The following LEKR1 variants were observed in gnomAD, a reference collection of about 807,000 sequenced individuals.
The protein encoded by LEKR1 is protein LEKR1.
LEKR1 carries 59 observed loss-of-function variants against 72.4 expected under a neutral mutation model. That is an observed-to-expected ratio of 0.82 (90% CI 0.66 to 1.01). The LOEUF (loss-of-function observed/expected upper bound fraction) is 1.01, where lower values mean the gene tolerates loss of function less well. LEKR1 is among the 50% of genes least tolerant of loss of function. The probability of loss-of-function intolerance (pLI) is 0.00; values close to 1 mark genes in which losing one functional copy is unlikely to be tolerated. For synonymous variants in LEKR1, 257 were observed against 263.2 expected (o/e 0.98, Z 0.23); for missense variants, 728 against 759.2 (o/e 0.96, Z 0.48).
intron 6 of LEKR1, among the ~76,000 whole-genome samples, chr3:156,958,089 T>G (rs565892215): frequency 4.6e-5 from 7 of 152,164 alleles, no homozygotes; most frequent in Non-Finnish European, 1.0e-4. Context: ...TTATTAGCCC[T>G]ATTCTCAACT....
chr3:156,849,003 A>G (rs995506186), intron 2 of LEKR1, among the ~76,000 whole-genome samples: 9 of 152,160 alleles, frequency 5.9e-5, no homozygotes, highest in African/African-American at 2.2e-4. Context: ...TATATCTAGA[A>G]AACCCCATTG....
intron 2 of LEKR1, among the ~76,000 whole-genome samples, chr3:156,832,684 G>A (rs182245778): frequency 2.7e-4 from 41 of 152,280 alleles, no homozygotes; most frequent in Admixed American, 2.6e-3. Context: ...TCTTCTTGAG[G>A]TCCCACAATA....
intron 3 of LEKR1, among the ~76,000 whole-genome samples, chr3:156,896,083 T>C (rs1721153110): frequency 6.6e-6 from 1 of 152,138 alleles, no homozygotes; most frequent in Non-Finnish European, 1.5e-5. Context: ...CTGAAGTCAT[T>C]ATCCTCAGCA....
At chr3:156,993,402 C>A (rs978409902) in intron 9 of LEKR1, 125 bp downstream of exon 9, 5 of 582,194 alleles carry the variant, frequency 8.6e-6, no homozygotes, top group Non-Finnish European at 1.5e-5. Flanking sequence ...AGATATATTT[C>A]TCCTACAAGG....
chr3:156,880,811 T>C (rs1719217545), intron 3 of LEKR1, among the ~76,000 whole-genome samples: 1 of 152,182 alleles, frequency 6.6e-6, no homozygotes, highest in Non-Finnish European at 1.5e-5. Context: ...CATAATCAAG[T>C]GGGCTTCATC....
chr3:156,956,693 C>T (rs1179324766), intron 6 of LEKR1, among the ~76,000 whole-genome samples: 1 of 151,900 alleles, frequency 6.6e-6, no homozygotes, highest in Non-Finnish European at 1.5e-5. Flanking sequence ...CAGAATTTGT[C>T]TATTAAAAAG....
chr3:156,934,146 T>C (rs1576852613), intron 5 of LEKR1, among the ~76,000 whole-genome samples: 1 of 152,222 alleles, frequency 6.6e-6, no homozygotes, highest in South Asian at 2.1e-4. Flanking sequence ...TTAATAATAT[T>C]TACTACTACC....
chr3:156,923,944 G>T (rs1486720903), intron 4 of LEKR1, among the ~76,000 whole-genome samples: 1 of 152,122 alleles, frequency 6.6e-6, no homozygotes, highest in African/African-American at 2.4e-5. Flanking sequence ...AGCCAGGATG[G>T]TCTCAATCTC....
At chr3:156,845,875 T>A (rs1162751874) in intron 2 of LEKR1, among the ~76,000 whole-genome samples, 1 of 152,198 alleles carries the variant, frequency 6.6e-6, no homozygotes, top group Admixed American at 6.5e-5. Flanking sequence ...TTGCTGAGAT[T>A]TTGATAGAAA....
At chr3:156,889,758 C>T (rs544908623) in intron 3 of LEKR1, among the ~76,000 whole-genome samples, 6 of 152,318 alleles carry the variant, frequency 3.9e-5, no homozygotes, top group African/African-American at 1.4e-4. Context: ...CCCCACTCCT[C>T]AATTCCTATG....
At chr3:156,999,860 A>C (rs775471039) in intron 9 of LEKR1, among the ~76,000 whole-genome samples, 1 of 152,126 alleles carries the variant, frequency 6.6e-6, no homozygotes, top group African/African-American at 2.4e-5. Context: ...CATTAACGTT[A>C]ATTTAACTGA....
chr3:156,983,150 C>T (rs532245657), intron 7 of LEKR1, among the ~76,000 whole-genome samples: 1 of 152,144 alleles, frequency 6.6e-6, no homozygotes, highest in African/African-American at 2.4e-5. Flanking sequence ...AAAAGAAAGA[C>T]TGTCATTTAT....
chr3:156,939,600 A>T (rs1156950093), intron 5 of LEKR1, among the ~76,000 whole-genome samples: 1 of 152,228 alleles, frequency 6.6e-6, no homozygotes, highest in African/African-American at 2.4e-5. Context: ...CTAGAAAAGG[A>T]AATTGCTTAA....
At chr3:157,020,084 T>C (rs1378693125) in intron 10 of LEKR1, among the ~76,000 whole-genome samples, 1 of 152,140 alleles carries the variant, frequency 6.6e-6, no homozygotes, top group African/African-American at 2.4e-5. Context: ...TATTCCTTCC[T>C]TGTTTTCTCT....
chr3:156,897,905 A>G (rs1721359378), intron 3 of LEKR1, among the ~76,000 whole-genome samples: 1 of 150,760 alleles, frequency 6.6e-6, no homozygotes, highest in Admixed American at 6.7e-5. Context: ...GTGAGCTGAC[A>G]TTGTGCCACT....
At chr3:156,860,904 C>G (rs1462529663) in intron 3 of LEKR1, among the ~76,000 whole-genome samples, 1 of 152,138 alleles carries the variant, frequency 6.6e-6, no homozygotes, top group East Asian at 1.9e-4. Context: ...ATCATGGCTT[C>G]TGTATCACCA....
At position 157,002,363 on chromosome 3, in the gene LEKR1, T is replaced by C. The variant is rs376343493; in HGVS notation, c.1110-9050T>C. On this transcript the variant is annotated intron_variant, in intron 9 of 12. Transcript: ENST00000356539. ...AGTTTTTTTCAACACAAGATTGTTT[T>C]CTCTTTATCAATGGCCTAAGATTGT... Among the ~76,000 whole-genome samples the C allele has an allele frequency of 1.6e-4, 24 of 152,264 alleles. No individual in the cohort carries two copies. The South Asian group carries it at 3.9e-3, about 25-fold the overall frequency.
chr3:156,925,728 CCTCT>C (rs1403656803), intron 4 of LEKR1, among the ~76,000 whole-genome samples: 1 of 151,830 alleles, frequency 6.6e-6, no homozygotes, highest in Non-Finnish European at 1.5e-5. Context: ...TCAGGTTTTT[CCTCT>C]CTCTCACTTT....
At chr3:157,000,586 C>T (rs1318503218) in intron 9 of LEKR1, among the ~76,000 whole-genome samples, 1 of 152,138 alleles carries the variant, frequency 6.6e-6, no homozygotes, top group African/African-American at 2.4e-5. Context: ...GTTGTAGGTA[C>T]TCAGAAAGTA....
Sources: allele counts gnomAD v4.1 joint callset (sites outside exome capture counted in the v4.1 genomes callset), GRCh38; gene constraint gnomAD v4.1.1; transcripts MANE v1.5; gene names NCBI Gene and HGNC (gene_info 2026-07-23, HGNC 2026-07-21).